The following OPTC variants were observed in gnomAD, a reference collection of about 807,000 sequenced individuals.
OPTC encodes the protein oculoglycan.
In OPTC, 22 loss-of-function variants were observed where a neutral mutation model predicts 25.4. The observed-to-expected ratio is 0.87, with a 90% CI of 0.62 to 1.24. The LOEUF is 1.24. Among genes scored for constraint, OPTC ranks in the 50% most tolerant of loss-of-function variants. The probability of loss-of-function intolerance (pLI) is 0.00; values close to 1 mark genes in which losing one functional copy is unlikely to be tolerated. For synonymous variants in OPTC, 169 were observed against 179.3 expected (o/e 0.94, Z 0.46); for missense variants, 417 against 425.2 (o/e 0.98, Z 0.17).
chr1:203,502,982 C>T lies in OPTC; in HGVS notation c.801C>T (p.Pro267=). Residue 267 remains proline (P), a synonymous_variant, in exon 6 of 8, where the codon CCC becomes CCT. Transcript: ENST00000367222. ...NLLDSIPGPL[P]LSLRSVHLQN... ...TGGATTCTATCCCGGGGCCTTTGCCCCTGAGCCTGCGCTCTGTACACCTGC... is the reference window on the plus strand; with the variant it reads ...TGGATTCTATCCCGGGGCCTTTGCCTCTGAGCCTGCGCTCTGTACACCTGC... 1 of 1,613,876 alleles carries T rather than the reference C, an allele frequency of 6.2e-7. No homozygotes were observed. Among genetic ancestry groups the T allele is most frequent in the African/African-American group, 1.3e-5 (1 of 75,054 alleles).
intron 7 of OPTC, among the ~76,000 whole-genome samples, chr1:203,507,139 C>CT (rs1358056864): frequency 1.3e-5 from 2 of 152,212 alleles, no homozygotes; most frequent in Non-Finnish European, 1.5e-5. Flanking sequence ...AACCCCACAG[C>CT]TGTTCCTTCT....
At chr1:203,505,716 G>A (rs1661469736) in intron 7 of OPTC, among the ~76,000 whole-genome samples, 1 of 152,190 alleles carries the variant, frequency 6.6e-6, no homozygotes, top group Admixed American at 6.5e-5. Context: ...AGTCTTGAAG[G>A]TGGTGGGAGG....
chr1:203,495,885 G>A, intron 1 of OPTC, 80 bp from the exon 2 acceptor site: 4 of 726,040 alleles, frequency 5.5e-6, no homozygotes, highest in South Asian at 3.0e-5. Context: ...GGGAAGTGGA[G>A]TAAATCTGCG....
chr1:203,497,028 A>T lies in OPTC; in HGVS notation c.283A>T (p.Thr95Ser), dbSNP rs755255988. ...AACCAGCATCAGTCCCGCCAAGAGC[A>T]CTACGGCTCCAGGGACACCCTCGTC... ...PATSISPAKS[T>S]TAPGTPSSNP... Residue 95 changes from threonine to serine, a missense_variant, in exon 3 of 8, where the codon ACT becomes TCT. Physicochemically the swap from Thr to Ser is moderately conservative, Grantham distance 58. Coordinates refer to ENST00000367222, the MANE Select transcript of OPTC (RefSeq NM_014359.4). 1.9e-6 allele frequency: 3 copies of T among 1,614,142 alleles called. No homozygotes were observed. The South Asian group carries it at 3.3e-5, about 18-fold the overall frequency.
chr1:203,499,639 C>A lies in OPTC; in HGVS notation c.530-10C>A, dbSNP rs763778613. On this transcript the variant is annotated splice_polypyrimidine_tract_variant and intron_variant, in intron 4 of 7. Coordinates refer to ENST00000367222, the MANE Select transcript of OPTC (RefSeq NM_014359.4). ...GGTTTCTCTCTTTGTTCTCCCCTAA[C>A]CTCTCTCAGCAAAGTTGAAGAGGAT... The A allele has an allele frequency of 3.1e-6, 5 of 1,611,912 alleles. No individual in the cohort carries two copies. In the Admixed American group the frequency reaches 5.0e-5, roughly 16 times the overall value.
At chr1:203,505,331 AC>A (rs1661462706) in intron 7 of OPTC, among the ~76,000 whole-genome samples, 1 of 152,234 alleles carries the variant, frequency 6.6e-6, no homozygotes, top group South Asian at 2.1e-4. Context: ...ATGAATGCTT[AC>A]AAGAGGAGGA....
chr1:203,499,298 T>C (rs1207521365), intron 4 of OPTC, among the ~76,000 whole-genome samples: 1 of 152,088 alleles, frequency 6.6e-6, no homozygotes, highest in African/African-American at 2.4e-5. Context: ...CCCAGAGCCT[T>C]TCCAGGCCTC....
intron 7 of OPTC, among the ~76,000 whole-genome samples, chr1:203,505,032 G>A (rs999144552): frequency 6.6e-6 from 1 of 152,128 alleles, no homozygotes. Flanking sequence ...TCTCCTGACC[G>A]TTATAAGGAG....
At chr1:203,499,412 T>C (rs1396724190) in intron 4 of OPTC, among the ~76,000 whole-genome samples, 1 of 152,068 alleles carries the variant, frequency 6.6e-6, no homozygotes, top group African/African-American at 2.4e-5. Flanking sequence ...GGATGCAAGA[T>C]GGACGGCCAC....
chr1:203,499,526 A>G, intron 4 of OPTC, 123 bp from the exon 5 acceptor site: 1 of 841,658 alleles, frequency 1.2e-6, no homozygotes, highest in Non-Finnish European at 2.1e-6. Context: ...GTGCAGGTGG[A>G]GAGCTGGTTA....
In OPTC at chr1:203,498,810, G is replaced by C; in HGVS notation, c.500G>C (p.Arg167Pro). The change falls in exon 4 of 8, where the codon CGT (arginine) becomes CCT (proline). Residue 167 changes from arginine to proline, a missense_variant. Physicochemically the swap from Arg to Pro is moderately radical, Grantham distance 103 (BLOSUM62 -2). Coordinates refer to ENST00000367222, the MANE Select transcript of OPTC (RefSeq NM_014359.4). ...TATGCACGCTTCAACCGCATCAGCC[G>C]TATCAGGGCCGAAGACTTCAAAGGG... ...YLYARFNRIS[R>P]IRAEDFKGLT... The C allele has an allele frequency of 6.2e-7, 1 of 1,614,012 alleles. No homozygotes were observed. The highest frequency in any genetic ancestry group is 8.5e-7 in the Non-Finnish European group (1 of 1,180,010).
intron 7 of OPTC, among the ~76,000 whole-genome samples, chr1:203,503,965 T>C (rs1418220602): frequency 1.3e-5 from 2 of 152,168 alleles, no homozygotes; most frequent in African/African-American, 4.8e-5. Context: ...TTGACACTTA[T>C]GGCTCCTGGC....
intron 5 of OPTC, among the ~76,000 whole-genome samples, chr1:203,500,647 C>T (rs974409882): frequency 6.6e-6 from 1 of 152,236 alleles, no homozygotes; most frequent in South Asian, 2.1e-4. Flanking sequence ...GGAAACAGTA[C>T]TATCAGGCCT....
chr1:203,497,738 G>T (rs1048886306), intron 3 of OPTC, among the ~76,000 whole-genome samples: 31 of 152,256 alleles, frequency 2.0e-4, no homozygotes, highest in African/African-American at 7.2e-4. Context: ...TGGACCTGGG[G>T]TATTGGGGCA....
In OPTC at chr1:203,499,688, C is replaced by T; in HGVS notation, c.569C>T (p.Ser190Phe). The change falls in exon 5 of 8, where the codon TCC (serine) becomes TTC (phenylalanine). Residue 190 changes from serine to phenylalanine, a missense_variant. Coordinates refer to ENST00000367222, the MANE Select transcript of OPTC (RefSeq NM_014359.4). The stretch of plus-strand genomic sequence containing the variant: ...ATTGACCTCTCCAACAACCTCATTT[C>T]CTCCATCGATAATGATGCCTTCCGC... ...KRIDLSNNLI[S>F]SIDNDAFRLL... 2.5e-6 allele frequency: 4 copies of T among 1,613,664 alleles called. No individual in the cohort carries two copies. Among genetic ancestry groups the T allele is most frequent in the Non-Finnish European group, 2.5e-6 (3 of 1,179,934 alleles).
chr1:203,505,508 C>G (rs1200370409), intron 7 of OPTC, among the ~76,000 whole-genome samples: 1 of 152,202 alleles, frequency 6.6e-6, no homozygotes, highest in Non-Finnish European at 1.5e-5. Flanking sequence ...GGAAAGGAAT[C>G]CATGTATCTG....
rs759381852 is a variant in OPTC at position 203,499,814 on chromosome 1, G to A, written c.695G>A (p.Arg232Gln). The change falls in exon 5 of 8, where the codon CGG (arginine) becomes CAG (glutamine). Residue 232 changes from arginine (R) to glutamine (Q), a missense_variant. Transcript: ENST00000367222. ...GAGTTCCTGGATGTCCGCCTAAATC[G>A]GCTCCAGAGCTCGGGGATACAGCCT... ...GIEFLDVRLN[R>Q]LQSSGIQPAA... 38 of 1,612,340 alleles carry A rather than the reference G, an allele frequency of 2.4e-5. No individual in the cohort carries two copies. The highest frequency in any genetic ancestry group is 1.6e-4 in the Middle Eastern group (1 of 6,084).
intron 7 of OPTC, among the ~76,000 whole-genome samples, chr1:203,504,736 A>G (rs559524342): frequency 6.6e-6 from 1 of 152,304 alleles, no homozygotes; most frequent in East Asian, 1.9e-4. Context: ...TTCTTGTAGC[A>G]CTTACCTACT....
At chr1:203,507,470 A>T (rs540307191) in intron 7 of OPTC, among the ~76,000 whole-genome samples, 1 of 152,310 alleles carries the variant, frequency 6.6e-6, no homozygotes, top group Admixed American at 6.5e-5. Context: ...TCACTCATCC[A>T]GGTCCTTTGT....
Sources: gnomAD v4.1 joint callset for allele counts (sites outside exome capture counted in the v4.1 genomes callset) on GRCh38, gnomAD v4.1.1 for gene constraint, MANE v1.5 for transcripts, NCBI Gene and HGNC (gene_info 2026-07-23, HGNC 2026-07-21) for gene names.